The following SLCO1A2 variants were observed in gnomAD, a reference collection of about 807,000 sequenced individuals.
SLCO1A2 encodes the protein solute carrier organic anion transporter family member 1A2.
In SLCO1A2, 67 loss-of-function variants were observed where a neutral mutation model predicts 69.0. The ratio of observed to expected loss-of-function variants is 0.97; its 90% confidence interval spans 0.80 to 1.19. SLCO1A2 has a LOEUF of 1.19. Ranked by LOEUF, SLCO1A2 falls within the 50% of genes most tolerant of loss-of-function variation. The probability of loss-of-function intolerance (pLI) is 0.00; values close to 1 mark genes in which losing one functional copy is unlikely to be tolerated. For missense variants in SLCO1A2, 787 were observed against 793.7 expected (o/e 0.99, Z 0.10); for synonymous variants, 260 against 265.9 (o/e 0.98, Z 0.22).
At chr12:21,345,276 A>T (rs1953216531) in intron 2 of SLCO1A2, among the ~76,000 whole-genome samples, 1 of 152,032 alleles carries the variant, frequency 6.6e-6, no homozygotes. Flanking sequence ...GCATGTTCAG[A>T]TGGAATCTGC....
chr12:21,324,074 A>T (rs983265649), intron 2 of SLCO1A2, among the ~76,000 whole-genome samples: 3 of 152,234 alleles, frequency 2.0e-5, no homozygotes, highest in Non-Finnish European at 1.5e-5. Flanking sequence ...AAATAACATT[A>T]ATATTTTGAC....
rs1454684037 is a variant in SLCO1A2 at position 21,300,526 on chromosome 12, T to C, written c.732A>G (p.Ala244=). ...ITPTDTRWVG[A]WWFGFLICAG... Reference sequence around the variant, plus strand: ...CACAAATCAGAAAGCCAAACCACCATGCACCGACCCAACGAGTGTCAGTGG... The same window carrying C: ...CACAAATCAGAAAGCCAAACCACCACGCACCGACCCAACGAGTGTCAGTGG... Residue 244 remains alanine, a synonymous_variant, in exon 8 of 15, where the codon GCA becomes GCG. Coordinates refer to ENST00000683939, the MANE Select transcript of SLCO1A2 (RefSeq NM_001386879.1). The C allele has an allele frequency of 1.9e-6, 3 of 1,613,224 alleles. No homozygotes were observed. The highest frequency in any genetic ancestry group is 1.1e-5 in the South Asian group (1 of 90,966).
intron 12 of SLCO1A2, among the ~76,000 whole-genome samples, chr12:21,288,580 A>T (rs960278907): frequency 3.9e-5 from 6 of 152,174 alleles, no homozygotes; most frequent in Non-Finnish European, 7.4e-5. Context: ...GGAAAGAATG[A>T]ATTAAACCTA....
intron 2 of SLCO1A2, among the ~76,000 whole-genome samples, chr12:21,320,488 GT>G (rs973768290): frequency 2.2e-4 from 33 of 151,198 alleles, no homozygotes; most frequent in African/African-American, 8.0e-4. Context: ...TCTCTTTTTT[GT>G]TTTGTTTTGT....
chr12:21,358,580 TATAG>T (rs1453769761), intron 2 of SLCO1A2, among the ~76,000 whole-genome samples: 8 of 152,176 alleles, frequency 5.3e-5, no homozygotes, highest in African/African-American at 1.4e-4. Context: ...TATCATCATA[TATAG>T]ATAATTTTGT....
At chr12:21,390,495 C>T (rs1478302127) in intron 1 of SLCO1A2, among the ~76,000 whole-genome samples, 1 of 152,070 alleles carries the variant, frequency 6.6e-6, no homozygotes, top group Admixed American at 6.5e-5. Context: ...ATTTTCTTGT[C>T]CTTCAACTTC....
intron 2 of SLCO1A2, among the ~76,000 whole-genome samples, chr12:21,330,364 AG>A (rs1952530529): frequency 6.6e-6 from 1 of 152,000 alleles, no homozygotes; most frequent in Non-Finnish European, 1.5e-5. Context: ...TAAATAAAAA[AG>A]CTTGGCTTTG....
chr12:21,395,724 C>T (rs371932447), upstream of SLCO1A2, among the ~76,000 whole-genome samples: 23 of 152,014 alleles, frequency 1.5e-4, no homozygotes, highest in South Asian at 8.3e-4. Flanking sequence ...CCCTGACCCC[C>T]GAGCAGCCTA....
At chr12:21,418,133 G>A (rs778230074), upstream of SLCO1A2, 1 of 152,156 alleles carries the variant, frequency 6.6e-6, no homozygotes, top group Non-Finnish European at 1.5e-5. Flanking sequence ...GCAACAAAGG[G>A]AAGCTAAACA....
Position 21,265,058 on chromosome 12 carries a change from TGGAA to T in SLCO1A2, c.*4486_*4489del, listed in dbSNP as rs1216103674. ...AGAATTTTATCTGGAGCCTTTCACA[TGGAA>T]GGAAGTTTTGTGTGGTAGCTCTGGT... is the stretch of plus-strand genomic sequence containing the variant. On this transcript the variant is annotated 3_prime_UTR_variant, in exon 15 of 15. Coordinates refer to ENST00000683939, the MANE Select transcript of SLCO1A2 (RefSeq NM_001386879.1). 1 of 152,378 alleles carries T rather than the reference TGGAA, an allele frequency of 6.6e-6. No homozygotes were observed. The highest frequency in any genetic ancestry group is 1.5e-5 in the Non-Finnish European group (1 of 68,170). The allele number at this position is 152,378 out of a possible 1,614,324, so 9.4% of individuals were successfully genotyped here. A position where few individuals can be genotyped will look rare whatever the true frequency, so the allele number is the denominator to read the frequency against.
chr12:21,374,989 T>C lies in SLCO1A2; in HGVS notation c.-189-464A>G, dbSNP rs1455013377. Among the ~76,000 whole-genome samples, 4 of 152,154 alleles carry C rather than the reference T, an allele frequency of 2.6e-5. No homozygotes were observed. The East Asian group carries it at 7.7e-4, about 29-fold the overall frequency. ...CCACCATACCCAGCTAATTGTTTTA[T>C]CTTTATTTTATAGGGAAAGGGTCTC... is the stretch of plus-strand genomic sequence containing the variant. On this transcript the variant is annotated intron_variant, in intron 1 of 15. Coordinates refer to the SLCO1A2 transcript ENST00000307378.
In SLCO1A2 at chr12:21,269,425, TAAG is replaced by T. The variant is rs1178782495; in HGVS notation, c.*120_*122del. Reference sequence around the variant, plus strand: ...TAGTGAACATTTTATTATTTTGAGTTAAGAGGTTTTTTAGGTTCTTAAAGACAA... The same window carrying T: ...TAGTGAACATTTTATTATTTTGAGTTAGGTTTTTTAGGTTCTTAAAGACAA... On this transcript the variant is annotated 3_prime_UTR_variant, in exon 15 of 15. Coordinates refer to ENST00000683939, the MANE Select transcript of SLCO1A2 (RefSeq NM_001386879.1). 6 of 619,578 alleles carry T rather than the reference TAAG, an allele frequency of 9.7e-6. No homozygotes were observed. The highest frequency in any genetic ancestry group is 1.6e-5 in the Non-Finnish European group (6 of 373,816). 38.4% of individuals were successfully genotyped at this position (619,578 alleles called of 1,614,324 possible). A position where few individuals can be genotyped will look rare whatever the true frequency, so the allele number is the denominator to read the frequency against.
intron 1 of SLCO1A2, among the ~76,000 whole-genome samples, chr12:21,400,976 A>C (rs1161705580): frequency 6.6e-6 from 1 of 151,296 alleles, no homozygotes; most frequent in Non-Finnish European, 1.5e-5. Flanking sequence ...ATGTATACAT[A>C]TGTAACTAAC....
chr12:21,342,819 C>G (rs552870478), intron 2 of SLCO1A2, among the ~76,000 whole-genome samples: 32 of 151,972 alleles, frequency 2.1e-4, no homozygotes, highest in African/African-American at 7.7e-4. Flanking sequence ...TTGGTGATTA[C>G]TGAATATATG....
intron 1 of SLCO1A2, among the ~76,000 whole-genome samples, chr12:21,391,456 G>T (rs1367461127): frequency 6.6e-6 from 1 of 152,080 alleles, no homozygotes; most frequent in Non-Finnish European, 1.5e-5. Flanking sequence ...AAGAGTTGCA[G>T]GAAGGAAAAA....
chr12:21,361,868 A>G (rs1938922985), intron 2 of SLCO1A2, among the ~76,000 whole-genome samples: 1 of 152,192 alleles, frequency 6.6e-6, no homozygotes, highest in Non-Finnish European at 1.5e-5. Context: ...AGAAATGAAC[A>G]AAGCCTCCAA....
chr12:21,409,023 T>C (rs1941867161), intron 1 of SLCO1A2, among the ~76,000 whole-genome samples: 1 of 152,208 alleles, frequency 6.6e-6, no homozygotes, highest in Admixed American at 6.5e-5. Context: ...TATCCTGGGT[T>C]CTAAAAGCAA....
At chr12:21,292,659 G>A (rs371539527) in intron 11 of SLCO1A2, among the ~76,000 whole-genome samples, 4 of 151,910 alleles carry the variant, frequency 2.6e-5, no homozygotes, top group Non-Finnish European at 5.9e-5. Flanking sequence ...GCAGTGGTGC[G>A]ATCTCGGCTC....
intron 4 of SLCO1A2, among the ~76,000 whole-genome samples, chr12:21,309,386 T>C (rs1455081188): frequency 6.6e-6 from 1 of 152,196 alleles, no homozygotes; most frequent in Non-Finnish European, 1.5e-5. Flanking sequence ...ACAATTATCA[T>C]GAATTTTGGA....
Sources: allele counts gnomAD v4.1 joint callset (sites outside exome capture counted in the v4.1 genomes callset), GRCh38; gene constraint gnomAD v4.1.1; transcripts MANE v1.5; gene names NCBI Gene and HGNC (gene_info 2026-07-23, HGNC 2026-07-21).